Variants in KLHL1 observed in about 807,000 individuals in gnomAD.
KLHL1 encodes kelch like family member 1, also known as kelch-like protein 1.
In KLHL1, 47 loss-of-function variants were observed where a neutral mutation model predicts 77.7. That is an observed-to-expected ratio of 0.60 (90% CI 0.48 to 0.77). The LOEUF (loss-of-function observed/expected upper bound fraction) is 0.77, where lower values mean the gene tolerates loss of function less well. KLHL1 is among the 30% of genes least tolerant of loss of function. The pLI is 0.00. For synonymous variants in KLHL1, 360 were observed against 325.2 expected (o/e 1.11, Z -1.15); for missense variants, 925 against 910.8 (o/e 1.02, Z -0.20).
At chr13:69,725,479 T>C (rs1283015406) in intron 8 of KLHL1, among the ~76,000 whole-genome samples, 1 of 152,136 alleles carries the variant, frequency 6.6e-6, no homozygotes, top group East Asian at 1.9e-4. Flanking sequence ...TATACCTAGT[T>C]AGTAAGATGC....
chr13:70,021,038 A>G (rs1455245155), intron 1 of KLHL1, among the ~76,000 whole-genome samples: 1 of 151,900 alleles, frequency 6.6e-6, no homozygotes, highest in Non-Finnish European at 1.5e-5. Flanking sequence ...CCTTATTATT[A>G]CCTAAAGTCC....
intron 4 of KLHL1, among the ~76,000 whole-genome samples, chr13:69,924,366 C>A (rs1882744208): frequency 6.6e-6 from 1 of 152,070 alleles, no homozygotes; most frequent in Non-Finnish European, 1.5e-5. Flanking sequence ...AATCAGCATT[C>A]ACTTCTTCCC....
intron 6 of KLHL1, among the ~76,000 whole-genome samples, chr13:69,816,765 C>A (rs1878139037): frequency 6.6e-6 from 1 of 151,992 alleles, no homozygotes; most frequent in African/African-American, 2.4e-5. Flanking sequence ...CTTTTTATGG[C>A]AAAGAGCTCA....
intron 5 of KLHL1, among the ~76,000 whole-genome samples, chr13:69,868,428 T>C (rs1419409280): frequency 6.6e-6 from 1 of 152,024 alleles, no homozygotes; most frequent in Admixed American, 6.6e-5. Flanking sequence ...TTTTTTTAGA[T>C]GATGGTGATA....
At chr13:69,991,089 A>C (rs563696815) in intron 1 of KLHL1, among the ~76,000 whole-genome samples, 1 of 152,132 alleles carries the variant, frequency 6.6e-6, no homozygotes, top group East Asian at 1.9e-4. Flanking sequence ...AGAAATGAAG[A>C]AGTTATTTGA....
Position 69,957,806 on chromosome 13 carries a change from C to T in KLHL1, c.817+3502G>A, listed in dbSNP as rs142039036. Among the ~76,000 whole-genome samples, 1,437 of 151,622 alleles carry T rather than the reference C, an allele frequency of 9.5e-3. 25 individuals carry two copies. Among genetic ancestry groups the T allele is most frequent in the African/African-American group, 0.032 (1,320 of 41,338 alleles). ...TTCTAGTAGAAAACAGTGAAGAAAA[C>T]CCAATTGAAAGTCTTAAAAGAAAAA... On this transcript the variant is annotated intron_variant, in intron 3 of 10. Coordinates refer to ENST00000377844, the MANE Select transcript of KLHL1 (RefSeq NM_020866.3).
intron 1 of KLHL1, among the ~76,000 whole-genome samples, chr13:69,990,124 T>C (rs563089345): frequency 1.3e-5 from 2 of 152,036 alleles, no homozygotes; most frequent in African/African-American, 4.8e-5. Flanking sequence ...GACAAGCAAA[T>C]GCTGAAGGAA....
chr13:69,850,173 C>A (rs1306566091), intron 5 of KLHL1, among the ~76,000 whole-genome samples: 1 of 151,492 alleles, frequency 6.6e-6, no homozygotes, highest in Middle Eastern at 3.2e-3. Context: ...ACAATTCAAA[C>A]TCATATATTT....
At chr13:70,103,354 G>A (rs1158066859) in intron 1 of KLHL1, among the ~76,000 whole-genome samples, 4 of 152,128 alleles carry the variant, frequency 2.6e-5, no homozygotes, top group African/African-American at 9.7e-5. Context: ...GTAATCCATG[G>A]TACAGATTGT....
At chr13:69,947,590 T>C (rs1883572698) in intron 3 of KLHL1, among the ~76,000 whole-genome samples, 1 of 152,152 alleles carries the variant, frequency 6.6e-6, no homozygotes, top group South Asian at 2.1e-4. Flanking sequence ...TCACAAGATA[T>C]ATGTAGAATA....
chr13:70,033,535 C>T (rs770388807), intron 1 of KLHL1, among the ~76,000 whole-genome samples: 26 of 150,490 alleles, frequency 1.7e-4, no homozygotes, highest in Admixed American at 2.7e-4. Flanking sequence ...TCTCAATCTC[C>T]GACCTCGTGA....
At chr13:70,105,292 T>G (rs965868508) in intron 1 of KLHL1, among the ~76,000 whole-genome samples, 1 of 151,944 alleles carries the variant, frequency 6.6e-6, no homozygotes, top group African/African-American at 2.4e-5. Context: ...AAACTGTTTG[T>G]TCTGTTATTA....
At chr13:69,861,895 G>A (rs1880180486) in intron 5 of KLHL1, among the ~76,000 whole-genome samples, 1 of 150,894 alleles carries the variant, frequency 6.6e-6, no homozygotes, top group South Asian at 2.1e-4. Context: ...AACCTGGGAG[G>A]CGGAGGTTGT....
At chr13:69,748,795 G>C (rs960002455) in intron 7 of KLHL1, among the ~76,000 whole-genome samples, 1 of 52,764 alleles carries the variant, frequency 1.9e-5, no homozygotes, top group African/African-American at 8.5e-5. Flanking sequence ...GTCTGTCTTA[G>C]GGGTGGTCAC....
intron 4 of KLHL1, among the ~76,000 whole-genome samples, chr13:69,900,503 A>G (rs1457597937): frequency 6.6e-6 from 1 of 152,192 alleles, no homozygotes; most frequent in Non-Finnish European, 1.5e-5. Flanking sequence ...CCAGTAATCC[A>G]CTTACGAATA....
chr13:69,959,435 T>C (rs1364914498), intron 3 of KLHL1, among the ~76,000 whole-genome samples: 1 of 151,934 alleles, frequency 6.6e-6, no homozygotes, highest in Non-Finnish European at 1.5e-5. Flanking sequence ...CATATGACTG[T>C]TTCAGGTTGT....
At chr13:69,714,531 T>C (rs1026270749) in intron 9 of KLHL1, among the ~76,000 whole-genome samples, 1 of 152,088 alleles carries the variant, frequency 6.6e-6, no homozygotes, top group South Asian at 2.1e-4. Context: ...TCTACTAATA[T>C]GACAGAAAAC....
chr13:70,060,797 G>A (rs549394223), intron 1 of KLHL1, among the ~76,000 whole-genome samples: 2 of 151,772 alleles, frequency 1.3e-5, no homozygotes, highest in Admixed American at 6.6e-5. Flanking sequence ...AGTGAGCCGA[G>A]ATGGCACCAT....
chr13:70,008,158 G>C (rs1885449452), intron 1 of KLHL1, among the ~76,000 whole-genome samples: 1 of 151,934 alleles, frequency 6.6e-6, no homozygotes, highest in Admixed American at 6.6e-5. Flanking sequence ...CAGGACCTAG[G>C]AGATAGTTTA....
Sources: gnomAD v4.1 joint callset for allele counts (sites outside exome capture counted in the v4.1 genomes callset) on GRCh38, gnomAD v4.1.1 for gene constraint, MANE v1.5 for transcripts, NCBI Gene and HGNC (gene_info 2026-07-23, HGNC 2026-07-21) for gene names.